ZNF808: variants seen among roughly 807,000 people sequenced by gnomAD.
ZNF808 encodes the protein zinc finger protein 808.
Under a neutral mutation model 8.7 loss-of-function variants are expected in ZNF808, and 5 were observed. The ratio of observed to expected loss-of-function variants is 0.58; its 90% CI spans 0.30 to 1.21. The LOEUF (loss-of-function observed/expected upper bound fraction) is 1.21. Ranked by LOEUF, ZNF808 falls within the 50% of genes most tolerant of loss-of-function variation. ZNF808 has a pLI of 0.07. For synonymous variants in ZNF808, 380 were observed against 366.0 expected, an observed-to-expected ratio of 1.04 and a Z score of -0.44; for missense variants, 1,103 against 1,098.4, an observed-to-expected ratio of 1.00 and a Z score of -0.06.
intron 2 of ZNF808, among the ~76,000 whole-genome samples, chr19:52,540,592 T>G (rs944653311): frequency 4.6e-5 from 7 of 152,164 alleles, no homozygotes; most frequent in African/African-American, 1.4e-4. Flanking sequence ...ATTCCATTTT[T>G]TTTTCTTATG....
intron 4 of ZNF808, among the ~76,000 whole-genome samples, chr19:52,552,219 G>A (rs1274983903): frequency 2.0e-5 from 3 of 151,618 alleles, no homozygotes; most frequent in Non-Finnish European, 4.4e-5. Flanking sequence ...GAGTTTCACC[G>A]TGTTATCCAG....
downstream of ZNF808, chr19:52,564,589 T>G: frequency 6.2e-6 from 1 of 162,256 alleles, no homozygotes. Flanking sequence ...TTCCTGGGAA[T>G]CTTCTCATCT....
intron 1 of ZNF808, among the ~76,000 whole-genome samples, chr19:52,532,588 C>T (rs574934707): frequency 2.6e-5 from 4 of 152,152 alleles, no homozygotes; most frequent in African/African-American, 7.2e-5. Flanking sequence ...ATTGATGTGA[C>T]AGTGATATGT....
Position 52,534,628 on chromosome 19 carries a change from G to A in ZNF808, c.-20+1619G>A, listed in dbSNP as rs113117660. On this transcript the variant is annotated intron_variant, in intron 2 of 4. Coordinates refer to ENST00000359798, the MANE Select transcript of ZNF808 (RefSeq NM_001039886.4). ...TCCTGGGCCAGGCATGGTGACTCAC[G>A]AGTGTAATCCCAGCACTTTGGGAGG... 5.2e-3 allele frequency among the ~76,000 whole-genome samples: 790 copies of A among 152,260 alleles called. 5 individuals are homozygous for A. Among genetic ancestry groups the A allele is most frequent in the African/African-American group, 0.018 (733 of 41,528 alleles).
chr19:52,563,495 T>G (rs1031841325), exon 4 of ZNF808: 1 of 152,486 alleles, frequency 6.6e-6, no homozygotes, highest in African/African-American at 2.4e-5. Context: ...ATCATGCTAC[T>G]GCACTCCAGC....
At chr19:52,542,375 C>T (rs1338726569) in intron 2 of ZNF808, among the ~76,000 whole-genome samples, 9 of 152,172 alleles carry the variant, frequency 5.9e-5, no homozygotes, top group Non-Finnish European at 1.3e-4. Flanking sequence ...CCCCACGGGT[C>T]GCTTTCCTTT....
intron 3 of ZNF808, among the ~76,000 whole-genome samples, chr19:52,543,992 C>G (rs2059697651): frequency 6.6e-6 from 1 of 152,006 alleles, no homozygotes; most frequent in African/African-American, 2.4e-5. Flanking sequence ...AACCCCATCT[C>G]TACTAAAAAT....
chr19:52,528,461 T>C (rs1035273473), intron 1 of ZNF808, among the ~76,000 whole-genome samples: 1 of 151,878 alleles, frequency 6.6e-6, no homozygotes, highest in Non-Finnish European at 1.5e-5. Flanking sequence ...AAATAGAGGA[T>C]TGGTGAGGGA....
chr19:52,561,208 CTCTCTATATATATA>C (rs1271111702), downstream of ZNF808, among the ~76,000 whole-genome samples: 68 of 32,676 alleles, frequency 2.1e-3, no homozygotes, highest in Non-Finnish European at 2.7e-3. Context: ...CTCTCTCTCT[CTCTCTATATATATA>C]TATATATATA....
chr19:52,530,710 C>G (rs449671), intron 1 of ZNF808, among the ~76,000 whole-genome samples: 52,199 of 151,438 alleles, frequency 0.34, 10,275 homozygotes, highest in East Asian at 0.53. Flanking sequence ...AAAGTTGGGC[C>G]TGGTGGCTCA....
Position 52,529,906 on chromosome 19 carries a change from TATATA to T in ZNF808, c.-122+2196_-122+2200del, listed in dbSNP as rs1446563867. On this transcript the variant is annotated intron_variant, in intron 1 of 4. Coordinates refer to ENST00000359798, the MANE Select transcript of ZNF808 (RefSeq NM_001039886.4). Reference sequence around the variant, plus strand: ...CAGCTAGTTTACATATATATATATATATATATTTTTTTTTTTTGTAGAAACGTGGT... The same window carrying T: ...CAGCTAGTTTACATATATATATATATTTTTTTTTTTTTGTAGAAACGTGGT... 4.4e-3 allele frequency among the ~76,000 whole-genome samples: 542 copies of T among 122,902 alleles called. 1 individual carries two copies. The highest frequency in any genetic ancestry group is 0.017 in the African/African-American group (504 of 30,008). The allele number at this position is 122,902 out of a possible 152,430, so 80.6% of individuals were successfully genotyped here.
Position 52,555,431 on chromosome 19 carries a change from A to G in ZNF808, c.2515A>G (p.Arg839Gly), listed in dbSNP as rs746323048. The G allele has an allele frequency of 2.5e-6, 4 of 1,614,148 alleles. No homozygotes were observed. The highest frequency in any genetic ancestry group is 2.5e-6 in the Non-Finnish European group (3 of 1,179,970). ...NEQSHLSRHH[R>G]IHTGEKPYKC... ...ACAATCACACCTTTCACGTCATCAT[A>G]GAATTCATACTGGAGAGAAACCTTA... Residue 839 changes from arginine (R) to glycine (G), a missense_variant, in exon 5 of 5, where the codon AGA becomes GGA. Physicochemically the swap from Arg to Gly is moderately radical, Grantham distance 125. Transcript: ENST00000359798.
chr19:52,528,942 G>A (rs573945537), intron 1 of ZNF808, among the ~76,000 whole-genome samples: 1 of 151,190 alleles, frequency 6.6e-6, no homozygotes, highest in East Asian at 1.9e-4. Flanking sequence ...ATAGAGGGAA[G>A]AAGGGGGATA....
chr19:52,543,290 A>C lies in ZNF808; in HGVS notation c.6A>C (p.Leu2Phe), dbSNP rs750620929. The change falls in exon 3 of 5, where the codon TTA (leucine) becomes TTC (phenylalanine). Residue 2 changes from leucine to phenylalanine, a missense_variant. Coordinates refer to ENST00000359798, the MANE Select transcript of ZNF808 (RefSeq NM_001039886.4). The part of the protein sequence containing the change: M[L>F]REEAAQKRKG... ...GGATTGATTTCTAAAGACTCATGTT[A>C]CGTGAGGAAGCAGCTCAGAAGAGGA... The C allele has an allele frequency of 6.2e-7, 1 of 1,613,768 alleles. No individual in the cohort carries two copies. Among genetic ancestry groups the C allele is most frequent in the Non-Finnish European group, 8.5e-7 (1 of 1,179,816 alleles).
intron 4 of ZNF808, among the ~76,000 whole-genome samples, chr19:52,548,585 G>C (rs1460969880): frequency 6.6e-6 from 1 of 152,082 alleles, no homozygotes; most frequent in Non-Finnish European, 1.5e-5. Context: ...ACCACACCCG[G>C]GTAATTTTTG....
chr19:52,546,804 T>C (rs1225476085), intron 3 of ZNF808, among the ~76,000 whole-genome samples: 3 of 151,226 alleles, frequency 2.0e-5, no homozygotes, highest in East Asian at 2.0e-4. Flanking sequence ...CCACAACACC[T>C]AGCTAATTTT....
chr19:52,562,367 A>G (rs1311903936), intron 3 of ZNF808, among the ~76,000 whole-genome samples: 1 of 152,060 alleles, frequency 6.6e-6, no homozygotes, highest in African/African-American at 2.4e-5. Flanking sequence ...AACAAGAGAA[A>G]AACTCCATCT....
intron 2 of ZNF808, among the ~76,000 whole-genome samples, chr19:52,535,398 C>A (rs1346775216): frequency 1.3e-5 from 2 of 151,724 alleles, no homozygotes; most frequent in African/African-American, 4.8e-5. Context: ...GGGAGGGAGC[C>A]CTGCGGGAGG....
intron 2 of ZNF808, among the ~76,000 whole-genome samples, chr19:52,537,706 G>A (rs1426564953): frequency 1.3e-5 from 2 of 151,664 alleles, no homozygotes; most frequent in Non-Finnish European, 2.9e-5. Flanking sequence ...AAAAAAAAGG[G>A]TGGGGGACTT....
Sources: gnomAD v4.1 joint callset for allele counts (sites outside exome capture counted in the v4.1 genomes callset) on GRCh38, gnomAD v4.1.1 for gene constraint, MANE v1.5 for transcripts, NCBI Gene and HGNC (gene_info 2026-07-23, HGNC 2026-07-21) for gene names.